Variants in CNTN5 observed in about 807,000 individuals in gnomAD.
The protein encoded by CNTN5 is contactin-5.
A neutral mutation model predicts 129.1 loss-of-function variants in CNTN5; 77 were observed. That is an observed-to-expected ratio of 0.60 (90% CI 0.50 to 0.72). The LOEUF (loss-of-function observed/expected upper bound fraction) is 0.72. CNTN5 is among the 30% of genes least tolerant of loss of function. The pLI is 0.00. For synonymous variants in CNTN5, 509 were observed against 465.6 expected, an observed-to-expected ratio of 1.09 and a Z score of -1.20; for missense variants, 1,478 against 1,328.8, an observed-to-expected ratio of 1.11 and a Z score of -1.75.
At chr11:100,254,646 C>G (rs1054208673) in intron 16 of CNTN5, among the ~76,000 whole-genome samples, 2 of 152,114 alleles carry the variant, frequency 1.3e-5, no homozygotes, top group Non-Finnish European at 2.9e-5. Flanking sequence ...GGCTTTTAAA[C>G]TTTTTCTCCA....
intron 3 of CNTN5, among the ~76,000 whole-genome samples, chr11:99,599,421 A>T (rs1950245603): frequency 6.6e-6 from 1 of 152,142 alleles, no homozygotes; most frequent in African/African-American, 2.4e-5. Context: ...TATTTTACAT[A>T]TTATATCTGT....
Position 99,733,321 on chromosome 11 carries a change from CAAAA to C in CNTN5, c.56-86209_56-86206del, listed in dbSNP as rs35576351. 5.4e-4 allele frequency among the ~76,000 whole-genome samples: 52 copies of C among 96,170 alleles called. 1 individual carries two copies. The highest frequency in any genetic ancestry group is 8.2e-4 in the Admixed American group (7 of 8,570). The allele number at this position is 96,170 out of a possible 152,430, so 63.1% of individuals were successfully genotyped here. A position where few individuals can be genotyped will look rare whatever the true frequency, so the allele number is the denominator to read the frequency against. Reference sequence around the variant, plus strand: ...TGAGCGACAGAGAGAGATTCTGTCTCAAAAAAAAAAAAAAAAAGCCTTAATGTGG... The same window carrying C: ...TGAGCGACAGAGAGAGATTCTGTCTCAAAAAAAAAAAAAGCCTTAATGTGG... On this transcript the variant is annotated intron_variant, in intron 3 of 24. Coordinates refer to ENST00000524871, the MANE Select transcript of CNTN5 (RefSeq NM_014361.4).
chr11:99,787,132 A>T (rs1055248111), intron 3 of CNTN5, among the ~76,000 whole-genome samples: 6 of 150,286 alleles, frequency 4.0e-5, no homozygotes, highest in South Asian at 2.1e-4. Flanking sequence ...TATTATTATT[A>T]TACTTTAAGT....
chr11:100,212,989 C>A (rs957364740), intron 15 of CNTN5, among the ~76,000 whole-genome samples: 1 of 152,014 alleles, frequency 6.6e-6, no homozygotes, highest in Non-Finnish European at 1.5e-5. Context: ...GAAAAAAATT[C>A]AAGTCAGAAT....
chr11:99,343,109 TC>T (rs1866596872), intron 2 of CNTN5, among the ~76,000 whole-genome samples: 1 of 152,168 alleles, frequency 6.6e-6, no homozygotes, highest in African/African-American at 2.4e-5. Flanking sequence ...TTGTCAGGCC[TC>T]ATCTGGAAGA....
chr11:100,017,183 T>C (rs1372530582), intron 9 of CNTN5, among the ~76,000 whole-genome samples: 1 of 151,956 alleles, frequency 6.6e-6, no homozygotes, highest in East Asian at 1.9e-4. Context: ...TTGTTTTATA[T>C]ATCCCTACAG....
intron 16 of CNTN5, among the ~76,000 whole-genome samples, chr11:100,252,657 T>C (rs1378759207): frequency 6.6e-6 from 1 of 152,144 alleles, no homozygotes; most frequent in African/African-American, 2.4e-5. Context: ...TCCAGAACCA[T>C]TTATTGAAAA....
At chr11:99,178,895 G>A (rs904978963) in intron 1 of CNTN5, among the ~76,000 whole-genome samples, 1 of 151,900 alleles carries the variant, frequency 6.6e-6, no homozygotes, top group South Asian at 2.1e-4. Flanking sequence ...CCCAAATTGT[G>A]CCAGAAACTG....
intron 3 of CNTN5, among the ~76,000 whole-genome samples, chr11:99,748,033 G>A (rs1387161616): frequency 6.6e-6 from 1 of 152,038 alleles, no homozygotes; most frequent in Non-Finnish European, 1.5e-5. Context: ...TGTTTGTTGA[G>A]TCATCCTTGC....
At chr11:99,629,062 C>G (rs1951240875) in intron 3 of CNTN5, among the ~76,000 whole-genome samples, 1 of 152,028 alleles carries the variant, frequency 6.6e-6, no homozygotes, top group Admixed American at 6.6e-5. Flanking sequence ...ATTTGCCTTA[C>G]TAAATACTCA....
At chr11:99,024,304 CACTT>C (rs1387414629) in intron 1 of CNTN5, among the ~76,000 whole-genome samples, 2 of 152,036 alleles carry the variant, frequency 1.3e-5, no homozygotes, top group African/African-American at 4.8e-5. Context: ...TTTTTCCAGA[CACTT>C]AAACAGTGTT....
intron 2 of CNTN5, among the ~76,000 whole-genome samples, chr11:99,418,619 C>A (rs1942763158): frequency 3.3e-5 from 5 of 152,116 alleles, no homozygotes; most frequent in Admixed American, 3.3e-4. Context: ...TGAGACTAAC[C>A]TGATGCACTT....
At chr11:99,187,102 G>T (rs1024325371) in intron 1 of CNTN5, among the ~76,000 whole-genome samples, 4 of 151,758 alleles carry the variant, frequency 2.6e-5, no homozygotes, top group Non-Finnish European at 5.9e-5. Context: ...ATCTCACCAG[G>T]CTTTCTCTCC....
At chr11:99,651,230 CAAA>C (rs1177387050) in intron 3 of CNTN5, among the ~76,000 whole-genome samples, 99 of 25,054 alleles carry the variant, frequency 4.0e-3, no homozygotes, top group Middle Eastern at 0.056. Context: ...AGAAATCCCA[CAAA>C]CAATCATCAA....
At chr11:99,685,120 A>AT (rs1352511983) in intron 3 of CNTN5, among the ~76,000 whole-genome samples, 1 of 151,412 alleles carries the variant, frequency 6.6e-6, no homozygotes, top group African/African-American at 2.4e-5. Flanking sequence ...CATAATTTCA[A>AT]TTTTTTTCCA....
intron 13 of CNTN5, among the ~76,000 whole-genome samples, chr11:100,091,979 AT>A (rs1169176329): frequency 6.6e-6 from 1 of 152,164 alleles, no homozygotes; most frequent in East Asian, 1.9e-4. Context: ...TAAGGATATT[AT>A]GAGGAATGAA....
intron 1 of CNTN5, among the ~76,000 whole-genome samples, chr11:99,105,867 A>G (rs747731994): frequency 6.6e-6 from 1 of 152,190 alleles, no homozygotes; most frequent in Non-Finnish European, 1.5e-5. Context: ...GTTAACTTGG[A>G]GTGTGCTAAT....
At chr11:99,575,010 G>A (rs549372311) in intron 3 of CNTN5, among the ~76,000 whole-genome samples, 3 of 152,290 alleles carry the variant, frequency 2.0e-5, no homozygotes, top group South Asian at 4.1e-4. Flanking sequence ...GCCATGAATT[G>A]TGGGACTTTG....
At chr11:99,423,517 A>T (rs568871178) in intron 2 of CNTN5, among the ~76,000 whole-genome samples, 15 of 152,364 alleles carry the variant, frequency 9.8e-5, no homozygotes, top group South Asian at 8.3e-4. Context: ...TCAGGTTTCT[A>T]AGGTAAACTT....
Sources: gnomAD v4.1 joint callset for allele counts (sites outside exome capture counted in the v4.1 genomes callset) on GRCh38, gnomAD v4.1.1 for gene constraint, MANE v1.5 for transcripts, NCBI Gene and HGNC (gene_info 2026-07-23, HGNC 2026-07-21) for gene names.